SAMD5: variants seen among roughly 807,000 people sequenced by gnomAD.
SAMD5 encodes the protein sterile alpha motif domain-containing protein 5.
In SAMD5, 13 loss-of-function variants were observed where a neutral mutation model predicts 11.3. The observed-to-expected ratio is 1.15, with a 90% CI of 0.75 to 1.83. The LOEUF (loss-of-function observed/expected upper bound fraction) is 1.83. Among genes scored for constraint, SAMD5 ranks in the 40% most tolerant of loss-of-function variants. The pLI is 0.00. For missense variants in SAMD5, 255 were observed against 239.1 expected (o/e 1.07, Z -0.44); for synonymous variants, 129 against 111.3 (o/e 1.16, Z -1.00).
chr6:147,813,474 A>T, the SAMD5 span, among the ~76,000 whole-genome samples: 1 of 152,224 alleles, frequency 6.6e-6, no homozygotes, highest in Non-Finnish European at 1.5e-5. Context: ...AGAGCTATAC[A>T]AGTATATATA....
intron 1 of SAMD5, among the ~76,000 whole-genome samples, chr6:147,681,468 G>A (rs182119140): frequency 2.0e-5 from 3 of 152,124 alleles, no homozygotes; most frequent in Admixed American, 6.5e-5. Context: ...TATAGTTATA[G>A]TAACTCTTTT....
intron 1 of SAMD5, among the ~76,000 whole-genome samples, chr6:147,705,459 C>T (rs1243990880): frequency 6.6e-6 from 1 of 151,988 alleles, no homozygotes; most frequent in African/African-American, 2.4e-5. Context: ...TCATTTTATG[C>T]TATCATATTA....
the SAMD5 span, among the ~76,000 whole-genome samples, chr6:147,818,919 C>T: frequency 2.6e-5 from 4 of 152,074 alleles, no homozygotes; most frequent in South Asian, 2.1e-4. Context: ...AGCAGTGTGG[C>T]GATTACTCAA....
intron 1 of SAMD5, among the ~76,000 whole-genome samples, chr6:147,583,203 C>T (rs1789323868): frequency 6.6e-6 from 1 of 152,164 alleles, no homozygotes; most frequent in Non-Finnish European, 1.5e-5. Context: ...CACATCAGGG[C>T]TCTGAAGGGA....
At chr6:147,895,752 C>T in the SAMD5 span, among the ~76,000 whole-genome samples, 7 of 152,218 alleles carry the variant, frequency 4.6e-5, no homozygotes, top group Admixed American at 2.0e-4. Context: ...GGTTTGACCT[C>T]GGCCACATTA....
intron 1 of SAMD5, among the ~76,000 whole-genome samples, chr6:147,612,213 T>C (rs12662247): frequency 0.21 from 32,433 of 152,038 alleles, 4,836 homozygotes; most frequent in African/African-American, 0.41. Flanking sequence ...GTGGTTTCCA[T>C]ATGGTGACAC....
the SAMD5 span, among the ~76,000 whole-genome samples, chr6:147,750,938 A>C: frequency 6.6e-6 from 1 of 152,128 alleles, no homozygotes; most frequent in Non-Finnish European, 1.5e-5. Flanking sequence ...ACAAACAAAC[A>C]AACAAAACAC....
At chr6:147,643,758 A>G (rs867851086) in intron 1 of SAMD5, among the ~76,000 whole-genome samples, 1 of 136,242 alleles carries the variant, frequency 7.3e-6, no homozygotes, top group African/African-American at 2.7e-5. Context: ...GGAAGGAAGG[A>G]AGGAAGGAAG....
At chr6:147,816,683 C>T in the SAMD5 span, among the ~76,000 whole-genome samples, 1 of 151,518 alleles carries the variant, frequency 6.6e-6, no homozygotes, top group Non-Finnish European at 1.5e-5. Context: ...TTCTTTTTTC[C>T]TGTAATAAAT....
rs976808448 is a variant in SAMD5 at position 147,568,865 on chromosome 6, A to G, written c.*4409A>G. On this transcript the variant is annotated 3_prime_UTR_variant, in exon 2 of 2. Coordinates refer to ENST00000367474, the MANE Select transcript of SAMD5 (RefSeq NM_001030060.3). ...AAATCAAATAACTTTCTAGTCCATG[A>G]TCATTAATCCCTACTATTTTAGATA... is the stretch of plus-strand genomic sequence containing the variant. 1 of 956,598 alleles carries G rather than the reference A, an allele frequency of 1.0e-6. No homozygotes were observed. The highest frequency in any genetic ancestry group is 1.8e-5 in the African/African-American group (1 of 56,636). 59.3% of individuals were successfully genotyped at this position (956,598 alleles called of 1,614,324 possible).
downstream of SAMD5, among the ~76,000 whole-genome samples, chr6:147,570,328 G>A (rs988142449): frequency 6.6e-6 from 1 of 152,112 alleles, no homozygotes; most frequent in Non-Finnish European, 1.5e-5. Flanking sequence ...GGATGGTGGG[G>A]GCTGTCGGGT....
intron 1 of SAMD5, among the ~76,000 whole-genome samples, chr6:147,545,297 A>T (rs1222360619): frequency 6.6e-6 from 1 of 152,246 alleles, no homozygotes. Context: ...CTTGTACATT[A>T]ACGAATACGG....
At chr6:147,905,187 CT>C in the SAMD5 span, among the ~76,000 whole-genome samples, 3 of 150,732 alleles carry the variant, frequency 2.0e-5, no homozygotes, top group South Asian at 6.3e-4. Context: ...TGCGCCCGGC[CT>C]TTTTTTTTCT....
the SAMD5 span, among the ~76,000 whole-genome samples, chr6:147,860,021 C>T: frequency 6.6e-6 from 1 of 152,076 alleles, no homozygotes; most frequent in Non-Finnish European, 1.5e-5. Flanking sequence ...AGCAAAGTGC[C>T]AGAGATTGGG....
intron 1 of SAMD5, among the ~76,000 whole-genome samples, chr6:147,580,263 C>G (rs750860963): frequency 7.9e-5 from 12 of 152,176 alleles, no homozygotes; most frequent in Non-Finnish European, 1.6e-4. Context: ...ATGTCAAGGC[C>G]AGTCTCAAGT....
chr6:147,769,687 T>A, the SAMD5 span, among the ~76,000 whole-genome samples: 34 of 152,362 alleles, frequency 2.2e-4, no homozygotes, highest in African/African-American at 7.7e-4. Flanking sequence ...GGTATATTAA[T>A]AGGCTTTCAC....
chr6:147,690,983 T>TTTTTTG (rs1791092854), intron 1 of SAMD5, among the ~76,000 whole-genome samples: 1 of 150,174 alleles, frequency 6.7e-6, no homozygotes. Flanking sequence ...TTTTTTTTTT[T>TTTTTTG]TGGTGGGGAT....
the SAMD5 span, among the ~76,000 whole-genome samples, chr6:147,855,461 T>G: frequency 6.6e-6 from 1 of 152,152 alleles, no homozygotes; most frequent in African/African-American, 2.4e-5. Flanking sequence ...AACACTACAC[T>G]TTCATGCAAA....
At chr6:147,839,109 C>G in the SAMD5 span, among the ~76,000 whole-genome samples, 1 of 152,186 alleles carries the variant, frequency 6.6e-6, no homozygotes, top group Non-Finnish European at 1.5e-5. Flanking sequence ...CACCTATGAA[C>G]CCTTTCTCAC....
Sources: gnomAD v4.1 joint callset for allele counts (sites outside exome capture counted in the v4.1 genomes callset) on GRCh38, gnomAD v4.1.1 for gene constraint, MANE v1.5 for transcripts, NCBI Gene and HGNC (gene_info 2026-07-23, HGNC 2026-07-21) for gene names.